Variants in ITGA11 observed in about 807,000 individuals in gnomAD.
ITGA11 encodes the protein integrin subunit alpha 11, also known as integrin alpha-11.
ITGA11 carries 97 observed loss-of-function variants against 141.9 expected under a neutral mutation model. The ratio of observed to expected loss-of-function variants is 0.68; its 90% CI spans 0.58 to 0.81. The LOEUF is 0.81. ITGA11 is among the 30% of genes least tolerant of loss of function. The probability of loss-of-function intolerance (pLI) is 0.00; values close to 1 mark genes in which losing one functional copy is unlikely to be tolerated. For synonymous variants in ITGA11, 658 were observed against 624.6 expected (o/e 1.05, Z -0.80); for missense variants, 1,387 against 1,559.2 (o/e 0.89, Z 1.86).
intron 2 of ITGA11, among the ~76,000 whole-genome samples, chr15:68,397,587 ATAT>A (rs1356517667): frequency 1.7e-4 from 6 of 35,004 alleles, no homozygotes; most frequent in African/African-American, 5.5e-4. Context: ...TATATTTAAA[ATAT>A]TATAAAATAT....
intron 3 of ITGA11, among the ~76,000 whole-genome samples, chr15:68,366,156 C>T (rs1895414467): frequency 6.6e-6 from 1 of 152,122 alleles, no homozygotes; most frequent in Non-Finnish European, 1.5e-5. Context: ...TCTCTTTTGT[C>T]TGCCCAAACA....
Position 68,432,144 on chromosome 15 carries a change from CGGCGCCTGCAG to C in ITGA11, c.-89_-79del. ...AGCCAGAGCGGCAGCCTCCTCGGCG[CGGCGCCTGCAG>C]CCTGCACTGCGCGGGGCGCCGGGCT... is the stretch of plus-strand genomic sequence containing the variant. On this transcript the variant is annotated 5_prime_UTR_variant, in exon 1 of 30. Coordinates refer to ENST00000315757, the MANE Select transcript of ITGA11 (RefSeq NM_001004439.2). 8.8e-7 allele frequency: 1 copy of C among 1,139,034 alleles called. No individual in the cohort carries two copies. Among genetic ancestry groups the C allele is most frequent in the Non-Finnish European group, 1.1e-6 (1 of 878,662 alleles). The allele number at this position is 1,139,034 out of a possible 1,614,324, so 70.6% of individuals were successfully genotyped here. A position where few individuals can be genotyped will look rare whatever the true frequency, so the allele number is the denominator to read the frequency against.
rs554061541 is a variant in ITGA11 at position 68,321,991 on chromosome 15, G to A, written c.2323-488C>T. On this transcript the variant is annotated intron_variant, in intron 18 of 29. Coordinates refer to ENST00000315757, the MANE Select transcript of ITGA11 (RefSeq NM_001004439.2). This position sits in a 1 kb window ranked among gnomAD's most constrained non-coding sequence, Gnocchi z 4.9. ...AGCTGTTTTGGCCTGTAGGAAGTCAGGGAAGCCTTCGAGGAAGTGACAGGG... is the reference window on the plus strand; with the variant it reads ...AGCTGTTTTGGCCTGTAGGAAGTCAAGGAAGCCTTCGAGGAAGTGACAGGG... Among the ~76,000 whole-genome samples the A allele has an allele frequency of 2.4e-3, 361 of 152,356 alleles. 3 individuals carry two copies. Among genetic ancestry groups the A allele is most frequent in the African/African-American group, 8.4e-3 (349 of 41,584 alleles).
intron 2 of ITGA11, among the ~76,000 whole-genome samples, chr15:68,400,727 TAAA>T: frequency 5.1e-5 from 1 of 19,732 alleles, no homozygotes; most frequent in Admixed American, 9.6e-4. Context: ...TATTATATAA[TAAA>T]TATTATATAT....
chr15:68,320,285 G>A lies in ITGA11; in HGVS notation c.2516C>T (p.Ala839Val), dbSNP rs200675726. ...CCTGTTCTCCAGTGTGGCCTCCACC[G>A]CCACTCGCTGGCGTGTGCTCTCTAT... ...FIIESTRQRVAVEATLENRGE... is the reference protein window; with the variant it reads ...FIIESTRQRVVVEATLENRGE... The change falls in exon 20 of 30, where the codon GCG becomes GTG. Residue 839 changes from alanine to valine, a missense_variant. By Grantham distance (64) the Ala-to-Val change is moderately conservative. Transcript: ENST00000315757. 36 of 1,613,878 alleles carry A rather than the reference G, an allele frequency of 2.2e-5. No homozygotes were observed. Among genetic ancestry groups the A allele is most frequent in the East Asian group, 1.6e-4 (7 of 44,898 alleles).
intron 2 of ITGA11, among the ~76,000 whole-genome samples, chr15:68,376,684 A>T (rs1314985647): frequency 6.6e-6 from 1 of 152,214 alleles, no homozygotes; most frequent in Non-Finnish European, 1.5e-5. Context: ...GAATAGAGCA[A>T]GCTCTGGCAG....
rs35780086 is a variant in ITGA11 at position 68,297,432 on chromosome 15, C to CTTTTTTTTTTTTTT, written c.*5613_*5626dup. The CTTTTTTTTTTTTTT allele has an allele frequency of 1.0e-5, 1 of 95,830 alleles. No homozygotes were observed. The highest frequency in any genetic ancestry group is 4.1e-5 in the African/African-American group (1 of 24,292). 5.9% of individuals were successfully genotyped at this position (95,830 alleles called of 1,614,324 possible). A position where few individuals can be genotyped will look rare whatever the true frequency, so the allele number is the denominator to read the frequency against. ...ATCTGTACAGTTCTGCACTTCTGAG[C>CTTTTTTTTTTTTTT]TTTTTTTTTTTTTTTTTTTTTATCC... On this transcript the variant is annotated 3_prime_UTR_variant, in exon 30 of 30. Coordinates refer to ENST00000315757, the MANE Select transcript of ITGA11 (RefSeq NM_001004439.2).
At position 68,297,240 on chromosome 15, in the gene ITGA11, C is replaced by T. The variant is rs573508172; in HGVS notation, c.*5819G>A. The T allele has an allele frequency of 3.3e-5, 5 of 152,286 alleles. No homozygotes were observed. The East Asian group carries it at 9.7e-4, about 29-fold the overall frequency. 9.4% of individuals were successfully genotyped at this position (152,286 alleles called of 1,614,324 possible). A position where few individuals can be genotyped will look rare whatever the true frequency, so the allele number is the denominator to read the frequency against. ...TTGGGATTACAGATGTGAGCCACCA[C>T]ACCTGGCCTTGGACTAGTATTTCTT... On this transcript the variant is annotated 3_prime_UTR_variant, in exon 30 of 30. Coordinates refer to ENST00000315757, the MANE Select transcript of ITGA11 (RefSeq NM_001004439.2).
intron 15 of ITGA11, among the ~76,000 whole-genome samples, chr15:68,329,985 A>G (rs1894102598): frequency 6.6e-6 from 1 of 152,208 alleles, no homozygotes; most frequent in African/African-American, 2.4e-5. Flanking sequence ...TTCTTCCCCT[A>G]CAATGGGCTG....
At chr15:68,331,469 T>C (rs528746295) in intron 14 of ITGA11, among the ~76,000 whole-genome samples, 2 of 149,700 alleles carry the variant, frequency 1.3e-5, no homozygotes, top group South Asian at 2.2e-4. Flanking sequence ...CCGAGACGGG[T>C]TGGTTTTGAG....
chr15:68,377,876 G>C (rs1471034182), intron 2 of ITGA11, among the ~76,000 whole-genome samples: 1 of 152,194 alleles, frequency 6.6e-6, no homozygotes, highest in East Asian at 1.9e-4. Context: ...TAGGGGTCAA[G>C]GGGACAGGAC....
At chr15:68,352,687 T>C (rs1272668742) in intron 7 of ITGA11, among the ~76,000 whole-genome samples, 1 of 152,230 alleles carries the variant, frequency 6.6e-6, no homozygotes, top group African/African-American at 2.4e-5. Flanking sequence ...ACATTAAATA[T>C]CAAATTCCAT....
chr15:68,361,049 G>C (rs924722692), intron 5 of ITGA11, among the ~76,000 whole-genome samples: 1 of 152,118 alleles, frequency 6.6e-6, no homozygotes, highest in East Asian at 1.9e-4. Context: ...GGTTTTCTTC[G>C]CAGGTGGGCA....
intron 4 of ITGA11, among the ~76,000 whole-genome samples, chr15:68,362,218 C>A (rs1042858484): frequency 3.9e-5 from 6 of 152,192 alleles, no homozygotes; most frequent in Non-Finnish European, 8.8e-5. Flanking sequence ...GTGAAATGTT[C>A]TACCAAAAAC....
chr15:68,309,736 GCC>G (rs1201219743), intron 26 of ITGA11, among the ~76,000 whole-genome samples: 1 of 151,604 alleles, frequency 6.6e-6, no homozygotes, highest in African/African-American at 2.4e-5. Context: ...GACTACAGAC[GCC>G]CACCACCACA....
chr15:68,354,453 T>C (rs11634100), intron 7 of ITGA11, among the ~76,000 whole-genome samples: 3,476 of 152,244 alleles, frequency 0.023, 55 homozygotes, highest in South Asian at 0.034. Context: ...TGGCCACCCA[T>C]GCTGGTTTTA....
At chr15:68,383,103 C>A (rs1895901934) in intron 2 of ITGA11, among the ~76,000 whole-genome samples, 1 of 152,112 alleles carries the variant, frequency 6.6e-6, no homozygotes, top group Admixed American at 6.5e-5. Flanking sequence ...AACTCCACCT[C>A]TACTAAAAAT....
intron 12 of ITGA11, 32 bp from the exon 13 acceptor site, chr15:68,332,510 T>C (rs769389604): frequency 6.2e-7 from 1 of 1,605,268 alleles, no homozygotes; most frequent in Admixed American, 1.7e-5. Flanking sequence ...AGGAGTGGGC[T>C]GGCTGCCCAG....
chr15:68,337,767 C>T (rs918176381), intron 11 of ITGA11, among the ~76,000 whole-genome samples: 26 of 152,164 alleles, frequency 1.7e-4, no homozygotes, highest in South Asian at 2.1e-4. Flanking sequence ...ATCTGGCATT[C>T]GAGGCCTCCT....
Sources: gnomAD v4.1 joint callset for allele counts (sites outside exome capture counted in the v4.1 genomes callset) on GRCh38, gnomAD v4.1.1 for gene constraint, Gnocchi (gnomAD v3.1) non-coding constraint, MANE v1.5 for transcripts, NCBI Gene and HGNC (gene_info 2026-07-23, HGNC 2026-07-21) for gene names.